CEP112: variants seen among roughly 807,000 people sequenced by gnomAD.
CEP112 encodes centrosomal protein of 112 kDa.
In CEP112, 127 loss-of-function variants were observed where a neutral mutation model predicts 153.0. The ratio of observed to expected loss-of-function variants is 0.83; its 90% confidence interval spans 0.72 to 0.96. The LOEUF (loss-of-function observed/expected upper bound fraction) is 0.96. CEP112 is among the 40% of genes least tolerant of loss of function. The pLI, the probability that CEP112 is intolerant of heterozygous loss-of-function variation, is 0.00. For missense variants in CEP112, 1,089 were observed against 1,101.2 expected (o/e 0.99, Z 0.16); for synonymous variants, 358 against 374.4 (o/e 0.96, Z 0.51).
chr17:65,964,279 A>AT (rs1357170591), intron 17 of CEP112, among the ~76,000 whole-genome samples: 1 of 152,184 alleles, frequency 6.6e-6, no homozygotes, highest in Non-Finnish European at 1.5e-5. Flanking sequence ...TAATGTGAAT[A>AT]TTAGCTCAAA....
At chr17:65,741,091 T>C (rs1294259814) in intron 23 of CEP112, among the ~76,000 whole-genome samples, 1 of 152,194 alleles carries the variant, frequency 6.6e-6, no homozygotes, top group Non-Finnish European at 1.5e-5. Flanking sequence ...GGGCTAGTTA[T>C]TTAACCTCAT....
chr17:65,971,584 A>G (rs556661584), intron 17 of CEP112, among the ~76,000 whole-genome samples: 27 of 151,796 alleles, frequency 1.8e-4, no homozygotes, highest in Non-Finnish European at 1.5e-4. Flanking sequence ...TGGCATGTAT[A>G]TTACATGCAT....
At chr17:65,905,174 G>A (rs1191768496) in intron 19 of CEP112, among the ~76,000 whole-genome samples, 2 of 152,054 alleles carry the variant, frequency 1.3e-5, no homozygotes, top group African/African-American at 2.4e-5. Flanking sequence ...ACAACATACA[G>A]AATGGGAGAA....
intron 21 of CEP112, among the ~76,000 whole-genome samples, chr17:65,793,824 T>C (rs544065525): frequency 6.6e-6 from 1 of 152,248 alleles, no homozygotes; most frequent in African/African-American, 2.4e-5. Context: ...CTGGAAAGGA[T>C]AATCTTTGTT....
intron 24 of CEP112, among the ~76,000 whole-genome samples, chr17:65,643,338 C>A (rs769877567): frequency 2.0e-5 from 3 of 152,106 alleles, no homozygotes; most frequent in African/African-American, 7.2e-5. Context: ...CAATCTGTCG[C>A]CCAGGCTGTA....
At chr17:66,078,276 T>C (rs1162603184) in intron 8 of CEP112, among the ~76,000 whole-genome samples, 1 of 148,780 alleles carries the variant, frequency 6.7e-6, no homozygotes, top group East Asian at 2.0e-4. Flanking sequence ...TTTTTTTTTT[T>C]TGAGACGGAG....
intron 21 of CEP112, among the ~76,000 whole-genome samples, chr17:65,824,880 T>C (rs1484423817): frequency 2.0e-5 from 3 of 152,292 alleles, no homozygotes; most frequent in East Asian, 3.9e-4. Context: ...GCACTGCCGA[T>C]GGGAATGTAA....
At position 65,864,517 on chromosome 17, in the gene CEP112, C is replaced by A. The variant is rs181944292; in HGVS notation, c.2164-12483G>T. Among the ~76,000 whole-genome samples the A allele has an allele frequency of 8.9e-4, 135 of 152,326 alleles. 1 individual carries two copies. Among genetic ancestry groups the A allele is most frequent in the Admixed American group, 8.0e-3 (123 of 15,304 alleles). On this transcript the variant is annotated intron_variant, in intron 20 of 26. Coordinates refer to ENST00000535342, the MANE Select transcript of CEP112 (RefSeq NM_001199165.4). ...TTCCACCTTCCTCGACATTCTTCAG[C>A]TGGTCACAAACACAATTAGTTAGTG...
intron 17 of CEP112, among the ~76,000 whole-genome samples, chr17:65,985,438 A>T (rs2063372375): frequency 6.6e-6 from 1 of 152,224 alleles, no homozygotes; most frequent in Non-Finnish European, 1.5e-5. Context: ...TCACTTTTAC[A>T]TCTAACTAGT....
chr17:66,023,102 C>T (rs767582814), intron 16 of CEP112, among the ~76,000 whole-genome samples: 56 of 151,980 alleles, frequency 3.7e-4, no homozygotes, highest in Non-Finnish European at 6.9e-4. Context: ...GATTGCCATT[C>T]CTGAAAGAGA....
In CEP112 at chr17:66,093,406, G is replaced by A. The variant is rs575072907; in HGVS notation, c.768+2845C>T. On this transcript the variant is annotated intron_variant, in intron 8 of 26. Coordinates refer to ENST00000535342, the MANE Select transcript of CEP112 (RefSeq NM_001199165.4). ...AGTGAAATGGTCTCTATTTACAGAC[G>A]ATATGATCTTATATGTAAAAAAAAA... Among the ~76,000 whole-genome samples the A allele has an allele frequency of 7.2e-5, 11 of 151,742 alleles. No individual in the cohort carries two copies. In the South Asian group the frequency reaches 1.0e-3, roughly 14 times the overall value.
At position 65,915,113 on chromosome 17, in the gene CEP112, T is replaced by C. The variant is rs148041405; in HGVS notation, c.1980+12469A>G. Among the ~76,000 whole-genome samples, 3 of 152,324 alleles carry C rather than the reference T, an allele frequency of 2.0e-5. No homozygotes were observed. The East Asian group carries it at 5.8e-4, about 29-fold the overall frequency. Reference sequence around the variant, plus strand: ...ACTGGTTGTTCCTTCTCAGTCTCTTTTGCTGCTTCCTCCACCTCTTCCTCA... The same window carrying C: ...ACTGGTTGTTCCTTCTCAGTCTCTTCTGCTGCTTCCTCCACCTCTTCCTCA... On this transcript the variant is annotated intron_variant, in intron 19 of 26. Coordinates refer to ENST00000535342, the MANE Select transcript of CEP112 (RefSeq NM_001199165.4).
At chr17:65,839,198 C>A (rs2057428324) in intron 21 of CEP112, among the ~76,000 whole-genome samples, 1 of 151,866 alleles carries the variant, frequency 6.6e-6, no homozygotes, top group Non-Finnish European at 1.5e-5. Flanking sequence ...CACACACATA[C>A]ACACACACAA....
At chr17:66,109,408 C>T (rs2068923025) in intron 6 of CEP112, among the ~76,000 whole-genome samples, 1 of 151,778 alleles carries the variant, frequency 6.6e-6, no homozygotes, top group Non-Finnish European at 1.5e-5. Context: ...CTACTATGCT[C>T]CCATACAAAT....
At chr17:65,974,433 T>C (rs901387424) in intron 17 of CEP112, among the ~76,000 whole-genome samples, 3 of 152,176 alleles carry the variant, frequency 2.0e-5, no homozygotes, top group South Asian at 2.1e-4. Flanking sequence ...GTAACCTTTA[T>C]GGAGGAAAAT....
intron 18 of CEP112, among the ~76,000 whole-genome samples, chr17:65,939,132 A>C (rs143734878): frequency 3.2e-3 from 488 of 152,284 alleles, no homozygotes; most frequent in African/African-American, 0.011. Flanking sequence ...ATTTTTAAGA[A>C]TCTCATTTAT....
At chr17:65,826,057 T>A in intron 21 of CEP112, 1 of 1,390,224 alleles carries the variant, frequency 7.2e-7, no homozygotes, top group Non-Finnish European at 1.0e-6. Context: ...GAATTACCAA[T>A]GCCTAACTCA....
chr17:66,006,877 C>T (rs1261927475), intron 16 of CEP112, among the ~76,000 whole-genome samples: 2 of 152,068 alleles, frequency 1.3e-5, no homozygotes, highest in East Asian at 1.9e-4. Flanking sequence ...GAAAGTGAAA[C>T]GAGTGGCCAA....
chr17:66,062,932 A>G, intron 11 of CEP112, 31 bp downstream of exon 11: 3 of 1,107,996 alleles, frequency 2.7e-6, no homozygotes, highest in Non-Finnish European at 3.9e-6. Context: ...ATAAACTTTT[A>G]TGTTTTCCAT....
Sources: allele counts gnomAD v4.1 joint callset (sites outside exome capture counted in the v4.1 genomes callset), GRCh38; gene constraint gnomAD v4.1.1; transcripts MANE v1.5; gene names NCBI Gene and HGNC (gene_info 2026-07-23, HGNC 2026-07-21).